PARVA: variants seen among roughly 807,000 people sequenced by gnomAD.
The protein encoded by PARVA is alpha-parvin.
A neutral mutation model predicts 52.6 loss-of-function variants in PARVA; 25 were observed. The ratio of observed to expected loss-of-function variants is 0.48; its 90% CI spans 0.35 to 0.66. The LOEUF (loss-of-function observed/expected upper bound fraction) is 0.66, where lower values mean the gene tolerates loss of function less well. PARVA is among the 30% of genes least tolerant of loss of function. PARVA has a pLI of 0.01. For missense variants in PARVA, 373 were observed against 450.9 expected (o/e 0.83, Z 1.56); for synonymous variants, 185 against 179.1 (o/e 1.03, Z -0.26).
chr11:12,505,335 G>A (rs554933682), intron 6 of PARVA, among the ~76,000 whole-genome samples: 2 of 152,160 alleles, frequency 1.3e-5, no homozygotes, highest in Admixed American at 6.5e-5. Flanking sequence ...TTGAGGGCTG[G>A]TAGACTTTGC....
chr11:12,406,908 G>T (rs1335552214), intron 1 of PARVA, among the ~76,000 whole-genome samples: 1 of 152,000 alleles, frequency 6.6e-6, no homozygotes, highest in African/African-American at 2.4e-5. Context: ...CTGACCTCAT[G>T]ATCCACCTGC....
chr11:12,402,681 A>C (rs146558661), intron 1 of PARVA, among the ~76,000 whole-genome samples: 1,961 of 152,354 alleles, frequency 0.013, 18 homozygotes, highest in Middle Eastern at 0.037. Flanking sequence ...GACCCATAGT[A>C]GGCTCTCAAT....
intron 1 of PARVA, among the ~76,000 whole-genome samples, chr11:12,411,227 G>A (rs1192180530): frequency 2.6e-5 from 4 of 152,166 alleles, no homozygotes; most frequent in African/African-American, 9.7e-5. Flanking sequence ...AAAGGTAATT[G>A]CGATCTTTGC....
intron 5 of PARVA, among the ~76,000 whole-genome samples, chr11:12,499,776 C>A (rs1327443915): frequency 6.6e-6 from 1 of 151,848 alleles, no homozygotes; most frequent in Non-Finnish European, 1.5e-5. Flanking sequence ...CTGTGTGTGT[C>A]TGTACGTGTG....
At chr11:12,515,899 C>G (rs1214673652) in intron 10 of PARVA, among the ~76,000 whole-genome samples, 1 of 152,182 alleles carries the variant, frequency 6.6e-6, no homozygotes, top group African/African-American at 2.4e-5. Context: ...TGCAGTGGCA[C>G]GATCACGGCT....
At chr11:12,432,918 G>A (rs535463954) in intron 1 of PARVA, among the ~76,000 whole-genome samples, 1 of 152,324 alleles carries the variant, frequency 6.6e-6, no homozygotes, top group East Asian at 1.9e-4. Flanking sequence ...CTAGAAATGA[G>A]GGCTCTGTCG....
intron 1 of PARVA, among the ~76,000 whole-genome samples, chr11:12,385,016 G>A (rs1939551398): frequency 6.6e-6 from 1 of 152,128 alleles, no homozygotes. Flanking sequence ...AGCAGGCAGA[G>A]ATGAAGCAGG....
intron 1 of PARVA, among the ~76,000 whole-genome samples, chr11:12,459,975 A>G (rs1940754644): frequency 6.6e-6 from 1 of 152,196 alleles, no homozygotes; most frequent in East Asian, 1.9e-4. Flanking sequence ...CCTCCATAGA[A>G]TGACCAGGCA....
At chr11:12,484,407 A>C (rs1408849013) in intron 4 of PARVA, among the ~76,000 whole-genome samples, 1 of 152,056 alleles carries the variant, frequency 6.6e-6, no homozygotes, top group African/African-American at 2.4e-5. Context: ...TCTGGTTTTC[A>C]CAGTAACATG....
intron 4 of PARVA, among the ~76,000 whole-genome samples, chr11:12,494,692 A>G (rs1435236229): frequency 6.6e-6 from 1 of 152,234 alleles, no homozygotes; most frequent in Non-Finnish European, 1.5e-5. Flanking sequence ...CTGTGCAAGA[A>G]AAAGTTATTG....
chr11:12,481,712 G>T (rs573262291), intron 4 of PARVA, among the ~76,000 whole-genome samples: 1 of 152,116 alleles, frequency 6.6e-6, no homozygotes, highest in South Asian at 2.1e-4. Context: ...GCTTCTAATC[G>T]TACTGGGGGT....
At chr11:12,523,074 G>GT (rs1415498796) in intron 12 of PARVA, among the ~76,000 whole-genome samples, 2 of 151,552 alleles carry the variant, frequency 1.3e-5, no homozygotes, top group Non-Finnish European at 2.9e-5. Context: ...ATGTTGCATG[G>GT]GTTTTTTTCT....
chr11:12,376,496 A>G (rs549760650), upstream of PARVA, among the ~76,000 whole-genome samples: 1 of 152,358 alleles, frequency 6.6e-6, no homozygotes, highest in African/African-American at 2.4e-5. Context: ...AATGATCATC[A>G]GTCACGAGCA....
intron 1 of PARVA, among the ~76,000 whole-genome samples, chr11:12,405,058 A>G (rs1180973038): frequency 6.6e-6 from 1 of 152,144 alleles, no homozygotes; most frequent in Non-Finnish European, 1.5e-5. Context: ...CAGTTTCCTC[A>G]TTTATAAAAC....
chr11:12,477,937 C>G lies in PARVA; in HGVS notation c.388C>G (p.Gln130Glu), dbSNP rs1166715120. The G allele has an allele frequency of 6.3e-7, 1 of 1,599,526 alleles. No individual in the cohort carries two copies. Among genetic ancestry groups the G allele is most frequent in the Non-Finnish European group, 8.6e-7 (1 of 1,166,852 alleles). ...AGATTTGTATGATGGACAAGTCCTG[C>G]AGAAGCTTTTCGGTAGGAGAGTTGA... ...AEDLYDGQVL[Q>E]KLFEKLESEK... is the part of the protein sequence containing the mutation. The change falls in exon 4 of 13, where the codon CAG becomes GAG. Residue 130 changes from glutamine (Q) to glutamate (E), a missense_variant. Coordinates refer to ENST00000334956, the MANE Select transcript of PARVA (RefSeq NM_018222.5).
intron 7 of PARVA, among the ~76,000 whole-genome samples, chr11:12,509,251 T>G (rs1429866825): frequency 1.3e-5 from 2 of 152,096 alleles, no homozygotes; most frequent in Non-Finnish European, 2.9e-5. Flanking sequence ...CAGTTAGCTT[T>G]CAGCATTCCC....
In PARVA at chr11:12,386,698, C is replaced by T. The variant is rs143108471; in HGVS notation, c.136+8915C>T. ...CCATGTAATCTTAGACAGATCTCTT[C>T]CCCTTTTGGTGTTATTTGCCCATTT... is the stretch of plus-strand genomic sequence containing the variant. On this transcript the variant is annotated intron_variant, in intron 1 of 12. Transcript: ENST00000334956. 4.8e-3 allele frequency among the ~76,000 whole-genome samples: 730 copies of T among 152,354 alleles called. 12 individuals are homozygous for T. Among genetic ancestry groups the T allele is most frequent in the Admixed American group, 0.028 (429 of 15,306 alleles).
rs1939683830 is a variant in PARVA at position 12,393,047 on chromosome 11, A to G, written c.136+15264A>G. Among the ~76,000 whole-genome samples the G allele has an allele frequency of 3.6e-5, 3 of 83,502 alleles. No individual in the cohort carries two copies. The African/African-American group carries it at 4.2e-4, about 12-fold the overall frequency. The allele number at this position is 83,502 out of a possible 152,430, so 54.8% of individuals were successfully genotyped here. ...AACAATTTTAACCCCAAATTGTGAA[A>G]AAAAAAAAAAAAAAAAAAAAGAAAG... On this transcript the variant is annotated intron_variant, in intron 1 of 12. Coordinates refer to ENST00000334956, the MANE Select transcript of PARVA (RefSeq NM_018222.5).
rs372775190 is a variant in PARVA, at chr11:12,444,384, A to G, written c.137-29361A>G. Among the ~76,000 whole-genome samples, 3 of 152,294 alleles carry G rather than the reference A, an allele frequency of 2.0e-5. 1 individual carries two copies. Among genetic ancestry groups the G allele is most frequent in the African/African-American group, 7.2e-5 (3 of 41,570 alleles). Reference sequence around the variant, plus strand: ...TTAGACAATTAATACTCACTAATTCATGGTGATGACTGAACCAATCCTTAT... The same window carrying G: ...TTAGACAATTAATACTCACTAATTCGTGGTGATGACTGAACCAATCCTTAT... On this transcript the variant is annotated intron_variant, in intron 1 of 12. Transcript: ENST00000334956.
Sources: allele counts gnomAD v4.1 joint callset (sites outside exome capture counted in the v4.1 genomes callset), GRCh38; gene constraint gnomAD v4.1.1; transcripts MANE v1.5; gene names NCBI Gene and HGNC (gene_info 2026-07-23, HGNC 2026-07-21).